The following RAB33A variants were observed in gnomAD, a reference collection of about 807,000 sequenced individuals.
RAB33A encodes ras-related protein Rab-33A.
Under a neutral mutation model 12.0 loss-of-function variants are expected in RAB33A, and 6 were observed. The observed-to-expected ratio is 0.50, with a 90% CI of 0.27 to 0.99. The LOEUF is 0.99. Among genes scored for constraint, RAB33A ranks in the 50% least tolerant of loss-of-function variants. RAB33A has a pLI of 0.11. For missense variants in RAB33A, 109 were observed against 192.0 expected (o/e 0.57, Z 2.55); for synonymous variants, 70 against 82.4 (o/e 0.85, Z 0.81).
chrX:130,179,678 T>C (rs2031701367), intron 1 of RAB33A, among the ~76,000 whole-genome samples: 1 of 102,603 alleles, frequency 9.7e-6, no homozygotes, highest in African/African-American at 3.6e-5. Context: ...GGACTTATGT[T>C]TTTTCTGTGT....
the RAB33A span, among the ~76,000 whole-genome samples, chrX:130,133,611 C>A: frequency 2.0e-5 from 2 of 100,080 alleles, no homozygotes; most frequent in Non-Finnish European, 2.0e-5. Context: ...CTAACAAAAA[C>A]AGCTGATAAC....
the RAB33A span, chrX:130,145,517 T>C: frequency 8.3e-7 from 1 of 1,208,296 alleles, no homozygotes; most frequent in Non-Finnish European, 1.1e-6. Flanking sequence ...CCATTCTCAA[T>C]ATGAGGCAGG....
At chrX:130,172,965 G>T (rs1277477644) in intron 1 of RAB33A, among the ~76,000 whole-genome samples, 6 of 111,585 alleles carry the variant, frequency 5.4e-5, no homozygotes, top group Admixed American at 1.9e-4. Context: ...TTGTTTTTTT[G>T]TAACAGCCCC....
the RAB33A span, among the ~76,000 whole-genome samples, chrX:130,155,864 G>C: frequency 8.9e-6 from 1 of 111,744 alleles, no homozygotes; most frequent in African/African-American, 3.3e-5. Context: ...GTTCATTTAA[G>C]GAGATATAAT....
the RAB33A span, among the ~76,000 whole-genome samples, chrX:130,117,981 G>T: frequency 8.9e-6 from 1 of 112,388 alleles, no homozygotes; most frequent in Non-Finnish European, 1.9e-5. Context: ...TGAGCACAAA[G>T]TGAATTTCTG....
chrX:130,184,425 A>T lies in RAB33A; in HGVS notation c.399A>T (p.Gln133His). ...TSFTNLKMWI[Q>H]ECNGHAVPPL... ...TCACCAACCTCAAAATGTGGATCCA[A>T]GAATGCAATGGGCATGCTGTGCCCC... is the stretch of plus-strand genomic sequence containing the variant. The change falls in exon 2 of 2, where the codon CAA becomes CAT. Residue 133 changes from glutamine to histidine, a missense_variant. By Grantham distance (24) the Gln-to-His change is conservative. Coordinates refer to ENST00000257017, the MANE Select transcript of RAB33A (RefSeq NM_004794.3). 1 of 1,211,951 alleles carries T rather than the reference A, an allele frequency of 8.3e-7. No individual in the cohort carries two copies. The highest frequency in any genetic ancestry group is 1.1e-6 in the Non-Finnish European group (1 of 895,427).
the RAB33A span, among the ~76,000 whole-genome samples, chrX:130,138,915 C>T: frequency 2.7e-5 from 3 of 111,279 alleles, no homozygotes; most frequent in Admixed American, 9.6e-5. Context: ...CAGTTTTGTC[C>T]CTATCTTCCC....
chrX:130,165,605 G>A, the RAB33A span: 2 of 1,203,477 alleles, frequency 1.7e-6, no homozygotes, highest in Admixed American at 2.2e-5. Flanking sequence ...CGCACCAAGG[G>A]CACCAGCTTC....
the RAB33A span, chrX:130,131,545 T>C: frequency 9.8e-7 from 1 of 1,020,983 alleles, no homozygotes; most frequent in African/African-American, 1.9e-5. Flanking sequence ...GTTTGGTTTC[T>C]TTTAAAGCAC....
the RAB33A span, among the ~76,000 whole-genome samples, chrX:130,158,704 TAAAAAAAAAAAA>T: frequency 3.4e-3 from 148 of 44,065 alleles, 1 homozygote; most frequent in Non-Finnish European, 4.9e-3. Context: ...GCTGATGAGC[TAAAAAAAAAAAA>T]AAAAAAAAAA....
At chrX:130,181,640 C>T (rs923631709) in intron 1 of RAB33A, among the ~76,000 whole-genome samples, 15 of 112,251 alleles carry the variant, frequency 1.3e-4, no homozygotes, top group African/African-American at 4.9e-4. Flanking sequence ...GTTCCTTTTA[C>T]ATAACCAAAA....
the RAB33A span, among the ~76,000 whole-genome samples, chrX:130,166,953 G>A: frequency 1.0e-3 from 117 of 112,113 alleles, no homozygotes; most frequent in Admixed American, 1.7e-3. Flanking sequence ...ATCTATATAG[G>A]AAGTGGCCAC....
the RAB33A span, chrX:130,133,583 GC>G: frequency 1.1e-6 from 1 of 890,396 alleles, no homozygotes; most frequent in Non-Finnish European, 1.6e-6. Context: ...CCATCTACAG[GC>G]CAGAGTTGTA....
At chrX:130,148,491 A>G in the RAB33A span, among the ~76,000 whole-genome samples, 3 of 111,716 alleles carry the variant, frequency 2.7e-5, no homozygotes, top group Non-Finnish European at 5.6e-5. Context: ...TCGAAACTGC[A>G]AAGACTCAAA....
chrX:130,136,069 T>C, the RAB33A span: 1 of 1,211,900 alleles, frequency 8.3e-7, no homozygotes, highest in Non-Finnish European at 1.1e-6. Context: ...AGCGTGCTTG[T>C]AGCTCTGCAT....
chrX:130,118,450 C>G, the RAB33A span, among the ~76,000 whole-genome samples: 1 of 112,930 alleles, frequency 8.9e-6, no homozygotes, highest in Non-Finnish European at 1.9e-5. Context: ...AGGCCTGAAA[C>G]ATTTGCTAGA....
the RAB33A span, chrX:130,133,528 T>C: frequency 1.7e-6 from 2 of 1,146,750 alleles, no homozygotes; most frequent in Non-Finnish European, 1.2e-6. Context: ...AATATAAACT[T>C]TGGGGGCTCA....
the RAB33A span, chrX:130,165,789 C>T: frequency 1.2e-4 from 72 of 586,811 alleles, no homozygotes; most frequent in African/African-American, 9.1e-4. Flanking sequence ...CCTCCCAGCT[C>T]CGGGTGGGCA....
chrX:130,127,036 G>GGTGT, the RAB33A span, among the ~76,000 whole-genome samples: 289 of 106,001 alleles, frequency 2.7e-3, 3 homozygotes, highest in African/African-American at 9.1e-3. Context: ...CAATAAACCA[G>GGTGT]GTGTGTGTGT....
Sources: gnomAD v4.1 joint callset for allele counts (sites outside exome capture counted in the v4.1 genomes callset) on GRCh38, gnomAD v4.1.1 for gene constraint, MANE v1.5 for transcripts, NCBI Gene and HGNC (gene_info 2026-07-23, HGNC 2026-07-21) for gene names.